Variants in DYNC2H1 observed in about 807,000 individuals in gnomAD.
DYNC2H1 encodes dynein cytoplasmic 2 heavy chain 1.
DYNC2H1 carries 410 observed loss-of-function variants against 570.0 expected under a neutral mutation model. That is an observed-to-expected ratio of 0.72 (90% CI 0.66 to 0.78). The LOEUF (loss-of-function observed/expected upper bound fraction) is 0.78. DYNC2H1 is among the 30% of genes least tolerant of loss of function. The pLI, the probability that DYNC2H1 is intolerant of heterozygous loss-of-function variation, is 0.00. For missense variants in DYNC2H1, 4,865 were observed against 5,046.4 expected (o/e 0.96, Z 1.09); for synonymous variants, 1,688 against 1,677.6 (o/e 1.01, Z -0.15).
At chr11:103,447,304 T>TTTTAACAGTAAGGTAGGGTATATTC (rs1359553354) in intron 85 of DYNC2H1, among the ~76,000 whole-genome samples, 4 of 152,126 alleles carry the variant, frequency 2.6e-5, no homozygotes, top group African/African-American at 9.7e-5. Flanking sequence ...AGATTTCCTT[T>TTTTAACAGTAAGGTAGGGTATATTC]TTTAACAGTA....
chr11:103,121,101 G>C (rs114703134), intron 9 of DYNC2H1, 65 bp downstream of exon 9: 1 of 1,049,062 alleles, frequency 9.5e-7, no homozygotes. Context: ...TTTTTTCTTC[G>C]TTGCATACCA....
At position 103,245,326 on chromosome 11, in the gene DYNC2H1, G is replaced by A. The variant is rs1262946995; in HGVS notation, c.9994G>A (p.Val3332Ile). 2 of 1,577,704 alleles carry A rather than the reference G, an allele frequency of 1.3e-6. No homozygotes were observed. Among genetic ancestry groups the A allele is most frequent in the Non-Finnish European group, 8.6e-7 (1 of 1,160,554 alleles). ...KTLIIQEMDG[V>I]EPVLYPLLRR... ...CCTTATTATACAAGAGATGGATGGT[G>A]TAGAACCTGTTCTTTATCCATTATT... The change falls in exon 65 of 89, where the codon GTA becomes ATA. Residue 3332 changes from valine to isoleucine, a missense_variant. Coordinates refer to ENST00000375735, the MANE Select transcript of DYNC2H1 (RefSeq NM_001377.3). This position sits in a 1 kb window ranked among gnomAD's most constrained non-coding sequence, Gnocchi z 4.5.
intron 12 of DYNC2H1, among the ~76,000 whole-genome samples, chr11:103,128,641 G>A (rs1349533205): frequency 6.6e-6 from 1 of 152,150 alleles, no homozygotes; most frequent in African/African-American, 2.4e-5. Context: ...TCTTTCCTAT[G>A]AGATTGTGAA....
intron 83 of DYNC2H1, among the ~76,000 whole-genome samples, chr11:103,379,129 T>A (rs1263335282): frequency 6.6e-6 from 1 of 152,176 alleles, no homozygotes; most frequent in Non-Finnish European, 1.5e-5. Flanking sequence ...TGGATAATGA[T>A]GCAATCAAGA....
intron 3 of DYNC2H1, 67 bp from the exon 4 acceptor site, chr11:103,115,110 C>T: frequency 5.9e-6 from 7 of 1,182,258 alleles, no homozygotes; most frequent in East Asian, 2.6e-5. Flanking sequence ...TGCTGCTCTG[C>T]TGTTTTGTAT....
intron 29 of DYNC2H1, 71 bp downstream of exon 29, chr11:103,161,115 T>G: frequency 1.2e-6 from 1 of 847,302 alleles, no homozygotes; most frequent in Non-Finnish European, 1.7e-6. Flanking sequence ...CTAAAATAAT[T>G]TAGTCAATTT....
rs1051121338 is a variant in DYNC2H1 at position 103,148,611 on chromosome 11, G to T, written c.2940G>T (p.Lys980Asn). 4 of 1,563,114 alleles carry T rather than the reference G, an allele frequency of 2.6e-6. No individual in the cohort carries two copies. Among genetic ancestry groups the T allele is most frequent in the Middle Eastern group, 3.3e-4 (2 of 5,986 alleles). ...AATATAGTAAGTTACAAGAACGGAA[G>T]CCAGAGGTGAGAATCACAAAGTAAA... ...NLQYSKLQERKPEILPLFQEA... is the reference protein window; with the variant it reads ...NLQYSKLQERNPEILPLFQEA... Residue 980 changes from lysine to asparagine, a missense_variant, in exon 20 of 89, where the codon AAG (lysine) becomes AAT (asparagine). Coordinates refer to ENST00000375735, the MANE Select transcript of DYNC2H1 (RefSeq NM_001377.3).
At chr11:103,294,688 C>T (rs564011699) in intron 75 of DYNC2H1, among the ~76,000 whole-genome samples, 1 of 152,290 alleles carries the variant, frequency 6.6e-6, no homozygotes, top group South Asian at 2.1e-4. Flanking sequence ...TCAAGCCTTC[C>T]ACACCAGCAC....
intron 70 of DYNC2H1, among the ~76,000 whole-genome samples, chr11:103,269,708 C>T (rs1044669012): frequency 6.6e-6 from 1 of 152,078 alleles, no homozygotes; most frequent in African/African-American, 2.4e-5. Context: ...GTTTTTATTT[C>T]AGTTACCTAT....
Position 103,152,213 on chromosome 11 carries a change from T to C in DYNC2H1, c.3024T>C (p.Ile1008=), listed in dbSNP as rs1057238691. 6.2e-7 allele frequency: 1 copy of C among 1,609,348 alleles called. No homozygotes were observed. The highest frequency in any genetic ancestry group is 1.3e-5 in the African/African-American group (1 of 74,716). ...TGGCTGGTGGAGGTTTAGAAACAAT[T>C]AGTAATTTGAAAGCCAAGTGGGATA... ...RTVAGGGLET[I]SNLKAKWDKF... The change falls in exon 21 of 89, where the codon ATT becomes ATC. Residue 1008 remains isoleucine, a synonymous_variant. Coordinates refer to ENST00000375735, the MANE Select transcript of DYNC2H1 (RefSeq NM_001377.3).
At chr11:103,200,560 G>C (rs1040520322) in intron 50 of DYNC2H1, among the ~76,000 whole-genome samples, 2 of 152,138 alleles carry the variant, frequency 1.3e-5, no homozygotes, top group Admixed American at 6.6e-5. Context: ...AAAATAGGTA[G>C]TATAATTTAT....
Position 103,256,251 on chromosome 11 carries a change from CCTT to C in DYNC2H1, c.10461+15_10461+17del. On this transcript the variant is annotated intron_variant, in intron 68 of 88. Coordinates refer to ENST00000375735, the MANE Select transcript of DYNC2H1 (RefSeq NM_001377.3). The surrounding 1 kb of genome is among the most constrained non-coding windows in gnomAD (Gnocchi z 4.0). The stretch of plus-strand genomic sequence containing the variant: ...ATTTCCCTTGATCAAGTAATTATTT[CCTT>C]CTTTGTAATTTCGTATTATGTTTTC... The C allele has an allele frequency of 1.3e-6, 2 of 1,583,468 alleles. No homozygotes were observed. The highest frequency in any genetic ancestry group is 1.8e-5 in the Admixed American group (1 of 54,930).
chr11:103,186,506 GA>G lies in DYNC2H1; in HGVS notation c.6893+10del. On this transcript the variant is annotated splice_donor_region_variant and intron_variant, in intron 42 of 88. Coordinates refer to ENST00000375735, the MANE Select transcript of DYNC2H1 (RefSeq NM_001377.3). This position sits in a 1 kb window ranked among gnomAD's most constrained non-coding sequence, Gnocchi z 4.5. ...ACCAGAAGGATGTGGCAAAGGGTAAGAAAAATATTGGCAAAGGTATATGTTG... is the reference window on the plus strand; with the variant it reads ...ACCAGAAGGATGTGGCAAAGGGTAAGAAAATATTGGCAAAGGTATATGTTG... The G allele has an allele frequency of 6.2e-7, 1 of 1,607,160 alleles. No individual in the cohort carries two copies.
Position 103,323,884 on chromosome 11 carries a change from A to T in DYNC2H1, c.11935-2A>T. ...AACTGTTTTTCACTTCTTTATATTT[A>T]GGACTATCGTGCTGTCATTGAGAAA... is the stretch of plus-strand genomic sequence containing the variant. On this transcript the variant is annotated splice_acceptor_variant, in intron 81 of 88. Coordinates refer to ENST00000375735, the MANE Select transcript of DYNC2H1 (RefSeq NM_001377.3). LOFTEE classifies it high-confidence loss of function. 6.2e-7 allele frequency: 1 copy of T among 1,608,514 alleles called. No homozygotes were observed. The highest frequency in any genetic ancestry group is 1.3e-5 in the African/African-American group (1 of 74,930).
Position 103,304,576 on chromosome 11 carries a change from TG to T in DYNC2H1, c.11257-18del. The T allele has an allele frequency of 6.2e-7, 1 of 1,605,016 alleles. No homozygotes were observed. The highest frequency in any genetic ancestry group is 1.7e-4 in the Middle Eastern group (1 of 6,012). On this transcript the variant is annotated intron_variant, in intron 76 of 88. Coordinates refer to ENST00000375735, the MANE Select transcript of DYNC2H1 (RefSeq NM_001377.3). ...AGCAGATCTGTTTTTAAATTTTGTT[TG>T]TTTTTTTGCTTTTGTAGGTTGCCAT...
At chr11:103,214,270 T>C (rs1863279759) in intron 54 of DYNC2H1, among the ~76,000 whole-genome samples, 1 of 152,172 alleles carries the variant, frequency 6.6e-6, no homozygotes, top group South Asian at 2.1e-4. Flanking sequence ...CTAGCTTTGT[T>C]CTTTTTGCTC....
chr11:103,156,803 T>C (rs746528490), intron 26 of DYNC2H1, 33 bp downstream of exon 26: 1 of 1,574,520 alleles, frequency 6.4e-7, no homozygotes, highest in South Asian at 1.2e-5. Flanking sequence ...TAGACACATA[T>C]GGTATTTTTT....
intron 59 of DYNC2H1, among the ~76,000 whole-genome samples, chr11:103,229,869 T>A (rs1863939614): frequency 6.6e-6 from 1 of 152,196 alleles, no homozygotes. Flanking sequence ...GGGTTGTGTT[T>A]AAATACTAGA....
chr11:103,149,686 CT>C, intron 20 of DYNC2H1, among the ~76,000 whole-genome samples: 1 of 152,254 alleles, frequency 6.6e-6, no homozygotes, highest in African/African-American at 2.4e-5. Context: ...GTATGGATCA[CT>C]TGATGTATTC....
Sources: allele counts gnomAD v4.1 joint callset (sites outside exome capture counted in the v4.1 genomes callset), GRCh38; gene constraint gnomAD v4.1.1; non-coding constraint Gnocchi (gnomAD v3.1); transcripts MANE v1.5; gene names NCBI Gene and HGNC (gene_info 2026-07-23, HGNC 2026-07-21).